Variants in CNBD1 observed in about 807,000 individuals in gnomAD.
CNBD1 encodes cyclic nucleotide binding domain containing 1, also known as cyclic nucleotide-binding domain-containing protein 1.
Under a neutral mutation model 54.4 loss-of-function variants are expected in CNBD1, and 71 were observed. The observed-to-expected ratio is 1.30, with a 90% CI of 1.08 to 1.59. The LOEUF is 1.59. Ranked by LOEUF, CNBD1 falls within the 40% of genes most tolerant of loss-of-function variation. The probability of loss-of-function intolerance (pLI) is 0.00; values close to 1 mark genes in which losing one functional copy is unlikely to be tolerated. For missense variants in CNBD1, 659 were observed against 518.0 expected (o/e 1.27, Z -2.64); for synonymous variants, 182 against 170.7 (o/e 1.07, Z -0.51).
At chr8:87,411,964 G>C (rs1364570853) in intron 2 of CNBD1, among the ~76,000 whole-genome samples, 1 of 151,604 alleles carries the variant, frequency 6.6e-6, no homozygotes. Flanking sequence ...AGCTTTTTTT[G>C]TTTTTCTTAT....
In CNBD1 at chr8:87,176,295, C is replaced by G. The variant is rs532805091; in HGVS notation, c.432-29698C>G. The stretch of plus-strand genomic sequence containing the variant: ...TTGGTGGGGCCATCTTGCTCTCCCC[C>G]CTCTGTATATCTTTATTATGTTCTT... On this transcript the variant is annotated intron_variant, in intron 4 of 10. Coordinates refer to ENST00000518476, the MANE Select transcript of CNBD1 (RefSeq NM_173538.3). Among the ~76,000 whole-genome samples, 34 of 152,204 alleles carry G rather than the reference C, an allele frequency of 2.2e-4. No homozygotes were observed. In the South Asian group the frequency reaches 4.1e-3, roughly 19 times the overall value.
chr8:86,878,354 C>T (rs776897030), intron 1 of CNBD1, among the ~76,000 whole-genome samples: 3 of 152,098 alleles, frequency 2.0e-5, no homozygotes, highest in African/African-American at 7.2e-5. Flanking sequence ...GTTCAGCAGA[C>T]AGATTGAATT....
chr8:87,228,229 C>T (rs1318563475), intron 5 of CNBD1, among the ~76,000 whole-genome samples: 3 of 150,860 alleles, frequency 2.0e-5, no homozygotes, highest in African/African-American at 5.0e-5. Flanking sequence ...CTGAAGCCTT[C>T]TTCTCTCAGC....
Position 87,297,706 on chromosome 8 carries a change from T to G in CNBD1, c.1042+11035T>G, listed in dbSNP as rs200746258. Among the ~76,000 whole-genome samples the G allele has an allele frequency of 2.3e-3, 182 of 80,542 alleles. 1 individual carries two copies. The highest frequency in any genetic ancestry group is 5.3e-3 in the African/African-American group (160 of 30,230). The allele number at this position is 80,542 out of a possible 152,430, so 52.8% of individuals were successfully genotyped here. ...GATGCATTTGTGAGAATGTGGGGTG[T>G]GTGTGTGTGTGTGTGATTATCTCAA... is the stretch of plus-strand genomic sequence containing the variant. On this transcript the variant is annotated intron_variant, in intron 8 of 10. Transcript: ENST00000518476.
intron 8 of CNBD1, among the ~76,000 whole-genome samples, chr8:87,316,443 T>G (rs931375353): frequency 6.6e-6 from 1 of 152,018 alleles, no homozygotes; most frequent in South Asian, 2.1e-4. Context: ...AAGAATCTTA[T>G]GTAATTTAGG....
chr8:87,087,293 T>TA (rs1563463420), intron 4 of CNBD1, among the ~76,000 whole-genome samples: 22 of 144,346 alleles, frequency 1.5e-4, no homozygotes, highest in Middle Eastern at 4.0e-3. Context: ...ATATATATAT[T>TA]TTTTATTGCC....
intron 6 of CNBD1, among the ~76,000 whole-genome samples, chr8:87,248,156 G>A (rs1807844918): frequency 6.6e-6 from 1 of 152,134 alleles, no homozygotes; most frequent in Non-Finnish European, 1.5e-5. Flanking sequence ...ACCAAGAATT[G>A]TTGCCTTGTT....
At chr8:87,268,775 T>C (rs1296971812) in intron 6 of CNBD1, among the ~76,000 whole-genome samples, 1 of 152,016 alleles carries the variant, frequency 6.6e-6, no homozygotes, top group South Asian at 2.1e-4. Context: ...TTTAATGGGG[T>C]TTTTGCATGT....
At chr8:87,347,285 T>TAATA (rs1486108523) in intron 8 of CNBD1, among the ~76,000 whole-genome samples, 1 of 152,210 alleles carries the variant, frequency 6.6e-6, no homozygotes, top group African/African-American at 2.4e-5. Context: ...AGCCACCATA[T>TAATA]TCTGAGCTTT....
At chr8:87,263,078 G>T (rs539919891) in intron 6 of CNBD1, among the ~76,000 whole-genome samples, 1 of 152,084 alleles carries the variant, frequency 6.6e-6, no homozygotes, top group African/African-American at 2.4e-5. Context: ...CCTTTTATAT[G>T]TGTTCCTTGT....
chr8:87,298,706 G>A (rs754019268), intron 8 of CNBD1, among the ~76,000 whole-genome samples: 1 of 151,510 alleles, frequency 6.6e-6, no homozygotes, highest in African/African-American at 2.4e-5. Context: ...GGCTGGTCTC[G>A]AACTCCTGAC....
intron 10 of CNBD1, among the ~76,000 whole-genome samples, chr8:87,374,482 A>AT (rs1461058135): frequency 6.6e-6 from 1 of 151,816 alleles, no homozygotes; most frequent in Non-Finnish European, 1.5e-5. Flanking sequence ...GAGGATTTTC[A>AT]TTTTCATTGC....
intron 4 of CNBD1, among the ~76,000 whole-genome samples, chr8:87,054,906 G>C (rs968066768): frequency 3.3e-5 from 5 of 152,232 alleles, no homozygotes; most frequent in African/African-American, 1.2e-4. Context: ...AGTCTTGTAA[G>C]ACTGGAAGTT....
chr8:87,184,334 C>G (rs1478695309), intron 4 of CNBD1, among the ~76,000 whole-genome samples: 1 of 152,138 alleles, frequency 6.6e-6, no homozygotes, highest in Non-Finnish European at 1.5e-5. Context: ...AGACAGAGGA[C>G]CATTCAGATC....
intron 1 of CNBD1, among the ~76,000 whole-genome samples, chr8:86,878,184 A>G (rs989044694): frequency 1.3e-5 from 2 of 151,954 alleles, no homozygotes; most frequent in Non-Finnish European, 2.9e-5. Context: ...ATTCTAGTGC[A>G]TACTGCATAC....
intron 4 of CNBD1, among the ~76,000 whole-genome samples, chr8:87,061,552 T>A (rs958053086): frequency 1.3e-5 from 2 of 152,328 alleles, no homozygotes; most frequent in African/African-American, 4.8e-5. Flanking sequence ...TAATGGCACT[T>A]CTTTCACAAC....
chr8:87,147,971 G>A lies in CNBD1; in HGVS notation c.432-58022G>A, dbSNP rs183284013. ...TTATGCAGGATACCTTTCTGAAAAG[G>A]GTCCGTTTAAAATTTCTAGGCAATG... On this transcript the variant is annotated intron_variant, in intron 4 of 10. Transcript: ENST00000518476. Among the ~76,000 whole-genome samples, 694 of 151,972 alleles carry A rather than the reference G, an allele frequency of 4.6e-3. 5 individuals carry two copies. Among genetic ancestry groups the A allele is most frequent in the Middle Eastern group, 0.038 (11 of 292 alleles).
chr8:86,907,213 A>G (rs192659375), intron 3 of CNBD1, among the ~76,000 whole-genome samples: 65 of 152,340 alleles, frequency 4.3e-4, no homozygotes, highest in African/African-American at 1.5e-3. Flanking sequence ...CAGGCCCAGC[A>G]GGAGATTCAC....
intron 8 of CNBD1, among the ~76,000 whole-genome samples, chr8:87,324,197 C>A (rs1302354812): frequency 8.0e-6 from 1 of 125,442 alleles, no homozygotes; most frequent in Non-Finnish European, 1.8e-5. Flanking sequence ...CTGCTGGATT[C>A]GGTTTGCCAG....
Sources: gnomAD v4.1 joint callset for allele counts (sites outside exome capture counted in the v4.1 genomes callset) on GRCh38, gnomAD v4.1.1 for gene constraint, MANE v1.5 for transcripts, NCBI Gene and HGNC (gene_info 2026-07-23, HGNC 2026-07-21) for gene names.